Variants in TVP23C observed in about 807,000 individuals in gnomAD.
TVP23C encodes trans-golgi network vesicle protein 23 homolog C, also known as Golgi apparatus membrane protein TVP23 homolog C.
Under a neutral mutation model 28.7 loss-of-function variants are expected in TVP23C, and 19 were observed. The ratio of observed to expected loss-of-function variants is 0.66; its 90% CI spans 0.46 to 0.97. TVP23C has a LOEUF of 0.97. Ranked by LOEUF, TVP23C falls within the 50% of genes least tolerant of loss-of-function variation. The pLI is 0.00. For synonymous variants in TVP23C, 68 were observed against 81.7 expected, an observed-to-expected ratio of 0.83 and a Z score of 0.90; for missense variants, 186 against 241.3, an observed-to-expected ratio of 0.77 and a Z score of 1.52.
At chr17:15,518,008 T>C (rs985551678) in intron 5 of TVP23C, among the ~76,000 whole-genome samples, 2 of 151,536 alleles carry the variant, frequency 1.3e-5, no homozygotes, top group African/African-American at 4.9e-5. Context: ...CTACTAAAAA[T>C]ACAAAAACAA....
At chr17:15,520,345 G>A (rs1476132781) in intron 5 of TVP23C, among the ~76,000 whole-genome samples, 1 of 148,442 alleles carries the variant, frequency 6.7e-6, no homozygotes, top group Non-Finnish European at 1.5e-5. Context: ...TTTTCCAGAT[G>A]ACATGGTTTC....
intron 5 of TVP23C, among the ~76,000 whole-genome samples, chr17:15,526,844 G>GA (rs1982749591): frequency 6.6e-6 from 1 of 152,026 alleles, no homozygotes; most frequent in Non-Finnish European, 1.5e-5. Context: ...ACAATTATGT[G>GA]AAAAAAATAA....
rs558780684 is a variant in TVP23C at position 15,526,380 on chromosome 17, G to GA, written c.462+19404dup. On this transcript the variant is annotated intron_variant, in intron 5 of 5. Transcript: ENST00000225576. Reference sequence around the variant, plus strand: ...GTTATATGACCCCAGGAAAGCTACTGATCCCCCAATCCTCAGTTTCCTCAC... The same window carrying GA: ...GTTATATGACCCCAGGAAAGCTACTGAATCCCCCAATCCTCAGTTTCCTCAC... Among the ~76,000 whole-genome samples, 218 of 152,280 alleles carry GA rather than the reference G, an allele frequency of 1.4e-3. 2 individuals carry two copies. Among genetic ancestry groups the GA allele is most frequent in the African/African-American group, 4.9e-3 (203 of 41,556 alleles).
At chr17:15,517,173 T>C (rs992170001) in intron 5 of TVP23C, among the ~76,000 whole-genome samples, 2 of 152,226 alleles carry the variant, frequency 1.3e-5, no homozygotes, top group Non-Finnish European at 2.9e-5. Context: ...CTGTCTACCC[T>C]TTCCGCCTCC....
chr17:15,521,602 G>A (rs1982482795), intron 5 of TVP23C, among the ~76,000 whole-genome samples: 1 of 152,232 alleles, frequency 6.6e-6, no homozygotes, highest in Admixed American at 6.5e-5. Flanking sequence ...AGAGAGGCAT[G>A]AAAGAGAACC....
At chr17:15,527,528 G>A (rs1982778229) in intron 5 of TVP23C, among the ~76,000 whole-genome samples, 1 of 152,056 alleles carries the variant, frequency 6.6e-6, no homozygotes, top group Admixed American at 6.6e-5. Context: ...TTCCATCTGA[G>A]CAAGTTACCA....
intron 1 of TVP23C, among the ~76,000 whole-genome samples, chr17:15,557,996 A>G (rs113606090): frequency 2.0e-5 from 3 of 149,220 alleles, no homozygotes; most frequent in East Asian, 1.9e-4. Context: ...AGATCTATGA[A>G]ACTAGTGGTT....
intron 1 of TVP23C, among the ~76,000 whole-genome samples, chr17:15,560,061 T>TC (rs1984309902): frequency 6.8e-6 from 1 of 147,854 alleles, no homozygotes. Flanking sequence ...GACCACTGTA[T>TC]TTTTTTTTCT....
chr17:15,531,041 C>G (rs1487578409), intron 5 of TVP23C: 1 of 152,188 alleles, frequency 6.6e-6, no homozygotes, highest in African/African-American at 2.4e-5. Flanking sequence ...CCATGCTCAT[C>G]CTTTCTTATA....
chr17:15,507,682 C>CA (rs747747197), intron 5 of TVP23C, among the ~76,000 whole-genome samples: 27 of 151,960 alleles, frequency 1.8e-4, no homozygotes, highest in Middle Eastern at 3.4e-3. Context: ...ACTAAAAATA[C>CA]AAAAAAATTA....
intron 1 of TVP23C, among the ~76,000 whole-genome samples, chr17:15,561,184 C>A (rs189366112): frequency 6.6e-6 from 1 of 152,090 alleles, no homozygotes; most frequent in Non-Finnish European, 1.5e-5. Context: ...AGAGAAGAAA[C>A]GTTGAAGATT....
In TVP23C at chr17:15,538,045, A is replaced by G; in HGVS notation, c.*2367T>C. Reference sequence around the variant, plus strand: ...AACAAAGCCAACACTCCTCGTTGCAACATGGACTAAGCTCTAAAAGGTTGA... The same window carrying G: ...AACAAAGCCAACACTCCTCGTTGCAGCATGGACTAAGCTCTAAAAGGTTGA... On this transcript the variant is annotated 3_prime_UTR_variant, in exon 6 of 6. Transcript: ENST00000518321. 6.4e-7 allele frequency: 1 copy of G among 1,571,936 alleles called. No homozygotes were observed. The highest frequency in any genetic ancestry group is 2.3e-5 in the East Asian group (1 of 44,248).
At chr17:15,527,585 A>G (rs1395920472) in intron 5 of TVP23C, among the ~76,000 whole-genome samples, 1 of 152,204 alleles carries the variant, frequency 6.6e-6, no homozygotes, top group African/African-American at 2.4e-5. Flanking sequence ...AACATTTTAC[A>G]TGAGTTATCT....
At chr17:15,555,974 T>C (rs1054586234) in intron 1 of TVP23C, among the ~76,000 whole-genome samples, 9 of 152,240 alleles carry the variant, frequency 5.9e-5, no homozygotes, top group Non-Finnish European at 1.2e-4. Context: ...TGGAGTACAA[T>C]GGCACGATCT....
intron 5 of TVP23C, among the ~76,000 whole-genome samples, chr17:15,524,937 T>C (rs1177675979): frequency 6.6e-6 from 1 of 152,194 alleles, no homozygotes. Context: ...GCAGCCCTCC[T>C]CCTGGCTTCT....
intron 5 of TVP23C, among the ~76,000 whole-genome samples, chr17:15,505,858 G>C (rs1053658657): frequency 2.6e-5 from 4 of 152,242 alleles, no homozygotes; most frequent in Admixed American, 2.6e-4. Context: ...GGTGTACTGG[G>C]TCCCCCAGCA....
rs1984001107 is a variant in TVP23C at position 15,553,750 on chromosome 17, T to C, written c.175A>G (p.Ser59Gly). Reference protein sequence around the residue: ...IVCLLCELLSSSFITCMVTII... With the variant: ...IVCLLCELLSGSFITCMVTII... ...GTAACCATACAGGTAATAAAGCTGC[T>C]GCTGAGCAACTCACAGAGAAGACAG... Residue 59 changes from serine to glycine, a missense_variant, in exon 3 of 6, where the codon AGC becomes GGC. Physicochemically the swap from Ser to Gly is moderately conservative, Grantham distance 56 (BLOSUM62 0). Around this residue, in one of 3 missense-constraint regions of TVP23C, gnomAD observed 92 missense variants for 94.3 expected, o/e 0.98. Coordinates refer to ENST00000518321, the MANE Select transcript of TVP23C (RefSeq NM_001135036.2). 3 of 1,613,882 alleles carry C rather than the reference T, an allele frequency of 1.9e-6. No individual in the cohort carries two copies. The highest frequency in any genetic ancestry group is 2.2e-5 in the South Asian group (2 of 91,070).
intron 3 of TVP23C, among the ~76,000 whole-genome samples, chr17:15,552,354 C>A (rs1413460381): frequency 6.6e-6 from 1 of 152,180 alleles, no homozygotes; most frequent in Non-Finnish European, 1.5e-5. Context: ...CGGAAACTGG[C>A]CATCACCAAG....
intron 1 of TVP23C, among the ~76,000 whole-genome samples, chr17:15,561,614 G>GAATC (rs1306417962): frequency 8.0e-6 from 1 of 124,708 alleles, no homozygotes; most frequent in Non-Finnish European, 1.7e-5. Context: ...ATGAATGAAT[G>GAATC]AATGAATGAA....
Sources: gnomAD v4.1 joint callset for allele counts (sites outside exome capture counted in the v4.1 genomes callset) on GRCh38, gnomAD v4.1.1 for gene constraint, gnomAD v4.1.1 regional missense constraint, MANE v1.5 for transcripts, NCBI Gene and HGNC (gene_info 2026-07-23, HGNC 2026-07-21) for gene names.